The following OR5K2 variants were observed in gnomAD, a reference collection of about 807,000 sequenced individuals.
OR5K2 encodes olfactory receptor 5K2.
For missense variants in OR5K2, 402 were observed against 369.8 expected, an observed-to-expected ratio of 1.09 and a Z score of -0.71; for synonymous variants, 124 against 133.2, an observed-to-expected ratio of 0.93 and a Z score of 0.48.
rs781774759 is a variant in OR5K2, at chr3:98,498,428, T to C, written c.748T>C (p.Leu250=). The C allele has an allele frequency of 1.2e-5, 19 of 1,613,544 alleles. No individual in the cohort carries two copies. The Admixed American group carries it at 3.0e-4, about 26-fold the overall frequency. The change falls in exon 1 of 1, where the codon TTA becomes CTA. Residue 250 remains leucine, a synonymous_variant. Coordinates refer to ENST00000427338, the MANE Select transcript of OR5K2 (RefSeq NM_001004737.1). ...TGCATCCCACTTTTCATCAGTTTCATTATTCTATGGATCTATTTTTTTCCT... is the reference window on the plus strand; with the variant it reads ...TGCATCCCACTTTTCATCAGTTTCACTATTCTATGGATCTATTTTTTTCCT... ...TCASHFSSVS[L]FYGSIFFLYI... is the part of the protein sequence containing the mutation.
rs376897772 is a variant in OR5K2 at position 98,498,631 on chromosome 3, A to G, written c.951A>G (p.Ter317TrpextTer?). Residue 317 changes from the stop codon to tryptophan (W), a stop_lost, in exon 1 of 1, where the codon TGA becomes TGG. Coordinates refer to ENST00000427338, the MANE Select transcript of OR5K2 (RefSeq NM_001004737.1). The stretch of plus-strand genomic sequence containing the variant: ...AATCTCAAGGAAGTGTGAACAAATG[A>G]CATCTATCCTAGCTTAATGGTTTAA... The part of the protein sequence containing the change: ...KIKSQGSVNK[*>W] 55 of 1,502,716 alleles carry G rather than the reference A, an allele frequency of 3.7e-5. No individual in the cohort carries two copies. In the African/African-American group the frequency reaches 7.1e-4, roughly 19 times the overall value. The allele number at this position is 1,502,716 out of a possible 1,614,324, so 93.1% of individuals were successfully genotyped here.
Position 98,497,771 on chromosome 3 carries a change from T to C in OR5K2, c.91T>C (p.Phe31Leu). The C allele has an allele frequency of 6.2e-7, 1 of 1,614,092 alleles. No homozygotes were observed. ...GCTGAAGACTCTGCTGTTTGTGGTG[T>C]TCTTTGCCATCTATCTGATCACCGT... ...PELKTLLFVVFFAIYLITVVG... is the reference protein window; with the variant it reads ...PELKTLLFVVLFAIYLITVVG... Residue 31 changes from phenylalanine (F) to leucine (L), a missense_variant, in exon 1 of 1, where the codon TTC becomes CTC. Coordinates refer to ENST00000427338, the MANE Select transcript of OR5K2 (RefSeq NM_001004737.1).
chr3:98,498,048 A>C lies in OR5K2; in HGVS notation c.368A>C (p.Tyr123Ser), dbSNP rs1423241765. 6.2e-7 allele frequency: 1 copy of C among 1,614,078 alleles called. No homozygotes were observed. The highest frequency in any genetic ancestry group is 8.5e-7 in the Non-Finnish European group (1 of 1,179,996). Reference sequence around the variant, plus strand: ...CTGGCAGCAGTGGCCTATGACCGCTATGTGGCCATCTGCAACCCACTGCAG... The same window carrying C: ...CTGGCAGCAGTGGCCTATGACCGCTCTGTGGCCATCTGCAACCCACTGCAG... ...FLLAAVAYDR[Y>S]VAICNPLQYH... The change falls in exon 1 of 1, where the codon TAT becomes TCT. Residue 123 changes from tyrosine (Y) to serine (S), a missense_variant. Coordinates refer to ENST00000427338, the MANE Select transcript of OR5K2 (RefSeq NM_001004737.1).
In OR5K2 at chr3:98,497,685, T is replaced by C. The variant is rs141947844; in HGVS notation, c.5T>C (p.Val2Ala). The change falls in exon 1 of 1, where the codon GTT becomes GCT. Residue 2 changes from valine to alanine, a missense_variant. By Grantham distance (64) the Val-to-Ala change is moderately conservative (BLOSUM62 0). Coordinates refer to ENST00000427338, the MANE Select transcript of OR5K2 (RefSeq NM_001004737.1). ...TTTTTTTCAGAGAGGTCAGGAATGG[T>C]TGAAGAAAATCATACCATGAAAAAT... is the stretch of plus-strand genomic sequence containing the variant. MVEENHTMKNEF... is the reference protein window; with the variant it reads MAEENHTMKNEF... 13 of 1,611,752 alleles carry C rather than the reference T, an allele frequency of 8.1e-6. No individual in the cohort carries two copies. Among genetic ancestry groups the C allele is most frequent in the Admixed American group, 1.7e-5 (1 of 59,816 alleles).
At position 98,498,015 on chromosome 3, in the gene OR5K2, G is replaced by C; in HGVS notation, c.335G>C (p.Cys112Ser). The change falls in exon 1 of 1, where the codon TGC (cysteine) becomes TCC (serine). Residue 112 changes from cysteine (C) to serine (S), a missense_variant. Transcript: ENST00000427338. ...YFLCTVETAD[C>S]FLLAAVAYDR... Reference sequence around the variant, plus strand: ...CTTTGCACTGTGGAAACTGCAGACTGCTTTCTTCTGGCAGCAGTGGCCTAT... The same window carrying C: ...CTTTGCACTGTGGAAACTGCAGACTCCTTTCTTCTGGCAGCAGTGGCCTAT... The C allele has an allele frequency of 3.7e-6, 6 of 1,614,050 alleles. No individual in the cohort carries two copies. The South Asian group carries it at 6.6e-5, about 18-fold the overall frequency.
Position 98,498,122 on chromosome 3 carries a change from G to T in OR5K2, c.442G>T (p.Ala148Ser). 5 of 1,614,034 alleles carry T rather than the reference G, an allele frequency of 3.1e-6. No individual in the cohort carries two copies. The highest frequency in any genetic ancestry group is 4.2e-6 in the Non-Finnish European group (5 of 1,179,960). ...ACTCTGCATTCAGATGACCACAGGC[G>T]CCTTCATAGCTGGAAATCTGCATTC... ...KKLCIQMTTG[A>S]FIAGNLHSMI... Residue 148 changes from alanine (A) to serine (S), a missense_variant, in exon 1 of 1, where the codon GCC becomes TCC. Physicochemically the swap from Ala to Ser is moderately conservative, Grantham distance 99 (BLOSUM62 1). Transcript: ENST00000427338.
Position 98,498,393 on chromosome 3 carries a change from T to C in OR5K2, c.713T>C (p.Phe238Ser). ...MKSKEGRAKA[F>S]STCASHFSSV... ...TCCAAGGAGGGAAGGGCCAAAGCCTTTTCTACTTGTGCATCCCACTTTTCA... is the reference window on the plus strand; with the variant it reads ...TCCAAGGAGGGAAGGGCCAAAGCCTCTTCTACTTGTGCATCCCACTTTTCA... The change falls in exon 1 of 1, where the codon TTT becomes TCT. Residue 238 changes from phenylalanine to serine, a missense_variant. Transcript: ENST00000427338. 6.2e-7 allele frequency: 1 copy of C among 1,613,714 alleles called. No homozygotes were observed. The highest frequency in any genetic ancestry group is 1.7e-5 in the Admixed American group (1 of 59,916).
Position 98,498,023 on chromosome 3 carries a change from C to G in OR5K2, c.343C>G (p.Leu115Val), listed in dbSNP as rs151317664. 55 of 1,614,080 alleles carry G rather than the reference C, an allele frequency of 3.4e-5. No homozygotes were observed. The African/African-American group carries it at 6.0e-4, about 18-fold the overall frequency. Reference sequence around the variant, plus strand: ...TGTGGAAACTGCAGACTGCTTTCTTCTGGCAGCAGTGGCCTATGACCGCTA... The same window carrying G: ...TGTGGAAACTGCAGACTGCTTTCTTGTGGCAGCAGTGGCCTATGACCGCTA... The part of the protein sequence containing the change: ...CTVETADCFL[L>V]AAVAYDRYVA... The change falls in exon 1 of 1, where the codon CTG becomes GTG. Residue 115 changes from leucine (L) to valine (V), a missense_variant. By Grantham distance (32) the Leu-to-Val change is conservative. Coordinates refer to ENST00000427338, the MANE Select transcript of OR5K2 (RefSeq NM_001004737.1).
Position 98,498,121 on chromosome 3 carries a change from C to CGCCT in OR5K2, c.442_445dup (p.Phe149CysfsTer18). 6.2e-7 allele frequency: 1 copy of CGCCT among 1,614,026 alleles called. No homozygotes were observed. Among genetic ancestry groups the CGCCT allele is most frequent in the Non-Finnish European group, 8.5e-7 (1 of 1,179,968 alleles). On this transcript the variant is annotated frameshift_variant, in exon 1 of 1. Transcript: ENST00000427338. LOFTEE classifies it low-confidence loss of function (END_TRUNC). ...AACTCTGCATTCAGATGACCACAGG[C>CGCCT]GCCTTCATAGCTGGAAATCTGCATT...
rs765363909 is a variant in OR5K2 at position 98,498,192 on chromosome 3, T to G, written c.512T>G (p.Leu171Trp). 1 of 1,614,132 alleles carries G rather than the reference T, an allele frequency of 6.2e-7. No homozygotes were observed. Among genetic ancestry groups the G allele is most frequent in the Non-Finnish European group, 8.5e-7 (1 of 1,179,968 alleles). The change falls in exon 1 of 1, where the codon TTG (leucine) becomes TGG (tryptophan). Residue 171 changes from leucine (L) to tryptophan (W), a missense_variant. Physicochemically the swap from Leu to Trp is moderately conservative, Grantham distance 61. Coordinates refer to ENST00000427338, the MANE Select transcript of OR5K2 (RefSeq NM_001004737.1). ...GTATTTAGGTTAGTTTTCTGTGGAT[T>G]GAATCACATCAACCACTTTTACTGT... The part of the protein sequence containing the change: ...GLVFRLVFCG[L>W]NHINHFYCDT...
chr3:98,497,952 G>A lies in OR5K2; in HGVS notation c.272G>A (p.Arg91Lys). 1 of 1,614,074 alleles carries A rather than the reference G, an allele frequency of 6.2e-7. No homozygotes were observed. The highest frequency in any genetic ancestry group is 8.5e-7 in the Non-Finnish European group (1 of 1,179,960). ...GAGAACTTCTTTTCTGAGGGCAAAA[G>A]GATTTCCCTCTATGAATGTGCAGTA... ...MLENFFSEGK[R>K]ISLYECAVQF... Residue 91 changes from arginine (R) to lysine (K), a missense_variant, in exon 1 of 1, where the codon AGG becomes AAG. By Grantham distance (26) the Arg-to-Lys change is conservative. Coordinates refer to ENST00000427338, the MANE Select transcript of OR5K2 (RefSeq NM_001004737.1).
Position 98,498,160 on chromosome 3 carries a change from A to G in OR5K2, c.480A>G (p.Val160=), listed in dbSNP as rs1156535759. ...IAGNLHSMIH[V]GLVFRLVFCG... is the part of the protein sequence containing the mutation. ...GAAATCTGCATTCCATGATTCATGT[A>G]GGGCTTGTATTTAGGTTAGTTTTCT... is the stretch of plus-strand genomic sequence containing the variant. The change falls in exon 1 of 1, where the codon GTA becomes GTG. Residue 160 remains valine (V), a synonymous_variant. Transcript: ENST00000427338. The G allele has an allele frequency of 6.2e-7, 1 of 1,613,960 alleles. No individual in the cohort carries two copies. The highest frequency in any genetic ancestry group is 1.3e-5 in the African/African-American group (1 of 74,900).
chr3:98,498,439 A>G lies in OR5K2; in HGVS notation c.759A>G (p.Gly253=). The G allele has an allele frequency of 6.2e-7, 1 of 1,613,494 alleles. No homozygotes were observed. Among genetic ancestry groups the G allele is most frequent in the Admixed American group, 1.7e-5 (1 of 59,874 alleles). Residue 253 remains glycine (G), a synonymous_variant, in exon 1 of 1, where the codon GGA becomes GGG. Coordinates refer to ENST00000427338, the MANE Select transcript of OR5K2 (RefSeq NM_001004737.1). ...TTTCATCAGTTTCATTATTCTATGG[A>G]TCTATTTTTTTCCTATACATTAGAC... The part of the protein sequence containing the change: ...SHFSSVSLFY[G]SIFFLYIRPN...
Position 98,498,100 on chromosome 3 carries a change from C to G in OR5K2, c.420C>G (p.Leu140=). 6.2e-7 allele frequency: 1 copy of G among 1,614,078 alleles called. No homozygotes were observed. Among genetic ancestry groups the G allele is most frequent in the Non-Finnish European group, 8.5e-7 (1 of 1,179,984 alleles). Residue 140 remains leucine (L), a synonymous_variant, in exon 1 of 1, where the codon CTC becomes CTG. Transcript: ENST00000427338. ...LQYHIMMSKK[L]CIQMTTGAFI... ...ACCACATCATGATGTCCAAGAAACTCTGCATTCAGATGACCACAGGCGCCT... is the reference window on the plus strand; with the variant it reads ...ACCACATCATGATGTCCAAGAAACTGTGCATTCAGATGACCACAGGCGCCT...
Position 98,497,891 on chromosome 3 carries a change from T to C in OR5K2, c.211T>C (p.Ser71Pro). The C allele has an allele frequency of 6.2e-7, 1 of 1,614,106 alleles. No individual in the cohort carries two copies. Among genetic ancestry groups the C allele is most frequent in the Non-Finnish European group, 8.5e-7 (1 of 1,179,978 alleles). The change falls in exon 1 of 1, where the codon TCT becomes CCT. Residue 71 changes from serine to proline, a missense_variant. Coordinates refer to ENST00000427338, the MANE Select transcript of OR5K2 (RefSeq NM_001004737.1). Reference protein sequence around the residue: ...IFLGNLALVDSCCACAITPKM... With the variant: ...IFLGNLALVDPCCACAITPKM... The stretch of plus-strand genomic sequence containing the variant: ...TCTGGGAAATCTGGCTCTTGTGGAT[T>C]CTTGCTGTGCCTGTGCTATTACCCC...
At position 98,498,530 on chromosome 3, in the gene OR5K2, T is replaced by G. The variant is rs1168039207; in HGVS notation, c.850T>G (p.Leu284Val). Residue 284 changes from leucine to valine, a missense_variant, in exon 1 of 1, where the codon TTA (leucine) becomes GTA (valine). Leu to Val is a conservative substitution (Grantham distance 32). Transcript: ENST00000427338. ...AAILFTIVVPLLNPFIYSLRN... is the reference protein window; with the variant it reads ...AAILFTIVVPVLNPFIYSLRN... ...TATTTTATTTACAATAGTAGTTCCC[T>G]TACTAAATCCTTTCATTTATAGTCT... 1.2e-6 allele frequency: 2 copies of G among 1,607,132 alleles called. No homozygotes were observed. The highest frequency in any genetic ancestry group is 8.5e-7 in the Non-Finnish European group (1 of 1,174,312).
Position 98,497,892 on chromosome 3 carries a change from C to G in OR5K2, c.212C>G (p.Ser71Cys), listed in dbSNP as rs759099856. Reference protein sequence around the residue: ...IFLGNLALVDSCCACAITPKM... With the variant: ...IFLGNLALVDCCCACAITPKM... Reference sequence around the variant, plus strand: ...CTGGGAAATCTGGCTCTTGTGGATTCTTGCTGTGCCTGTGCTATTACCCCC... The same window carrying G: ...CTGGGAAATCTGGCTCTTGTGGATTGTTGCTGTGCCTGTGCTATTACCCCC... The change falls in exon 1 of 1, where the codon TCT (serine) becomes TGT (cysteine). Residue 71 changes from serine (S) to cysteine (C), a missense_variant. Transcript: ENST00000427338. The G allele has an allele frequency of 1.2e-6, 2 of 1,613,958 alleles. No homozygotes were observed. The highest frequency in any genetic ancestry group is 8.5e-7 in the Non-Finnish European group (1 of 1,179,980).
Position 98,498,164 on chromosome 3 carries a change from C to A in OR5K2, c.484C>A (p.Leu162Ile), listed in dbSNP as rs760932150. The A allele has an allele frequency of 1.2e-6, 2 of 1,614,026 alleles. No homozygotes were observed. The highest frequency in any genetic ancestry group is 2.2e-5 in the South Asian group (2 of 91,080). The change falls in exon 1 of 1, where the codon CTT (leucine) becomes ATT (isoleucine). Residue 162 changes from leucine to isoleucine, a missense_variant. Coordinates refer to ENST00000427338, the MANE Select transcript of OR5K2 (RefSeq NM_001004737.1). ...GNLHSMIHVG[L>I]VFRLVFCGLN... ...TCTGCATTCCATGATTCATGTAGGG[C>A]TTGTATTTAGGTTAGTTTTCTGTGG...
At position 98,497,712 on chromosome 3, in the gene OR5K2, A is replaced by T; in HGVS notation, c.32A>T (p.Glu11Val). The T allele has an allele frequency of 6.2e-7, 1 of 1,613,434 alleles. No individual in the cohort carries two copies. The highest frequency in any genetic ancestry group is 8.5e-7 in the Non-Finnish European group (1 of 1,179,628). Residue 11 changes from glutamate (E) to valine (V), a missense_variant, in exon 1 of 1, where the codon GAG becomes GTG. By Grantham distance (121) the Glu-to-Val change is moderately radical (BLOSUM62 -2). Coordinates refer to ENST00000427338, the MANE Select transcript of OR5K2 (RefSeq NM_001004737.1). Reference sequence around the variant, plus strand: ...GAAGAAAATCATACCATGAAAAATGAGTTTATCCTCACAGGATTTACAGAT... The same window carrying T: ...GAAGAAAATCATACCATGAAAAATGTGTTTATCCTCACAGGATTTACAGAT... MVEENHTMKN[E>V]FILTGFTDHP... is the part of the protein sequence containing the mutation.
Sources: allele counts gnomAD v4.1 joint callset, GRCh38; gene constraint gnomAD v4.1.1; transcripts MANE v1.5; gene names NCBI Gene and HGNC (gene_info 2026-07-23, HGNC 2026-07-21).